The following MYO1D variants were observed in gnomAD, a reference collection of about 807,000 sequenced individuals.
MYO1D encodes myosin ID, also known as unconventional myosin-Id.
In MYO1D, 83 loss-of-function variants were observed where a neutral mutation model predicts 122.0. The observed-to-expected ratio is 0.68, with a 90% CI of 0.57 to 0.82. The LOEUF is 0.82. Ranked by LOEUF, MYO1D falls within the 40% of genes least tolerant of loss-of-function variation. The probability of loss-of-function intolerance (pLI) is 0.00; values close to 1 mark genes in which losing one functional copy is unlikely to be tolerated. For synonymous variants in MYO1D, 464 were observed against 446.9 expected (o/e 1.04, Z -0.48); for missense variants, 1,157 against 1,269.5 (o/e 0.91, Z 1.35).
At chr17:32,615,393 G>A (rs1302612781) in intron 20 of MYO1D, among the ~76,000 whole-genome samples, 4 of 152,124 alleles carry the variant, frequency 2.6e-5, no homozygotes, top group Non-Finnish European at 4.4e-5. Flanking sequence ...GAAAATGTAC[G>A]TAACAAATGT....
chr17:32,573,595 C>T (rs1423364716), intron 21 of MYO1D, among the ~76,000 whole-genome samples: 3 of 152,070 alleles, frequency 2.0e-5, no homozygotes, highest in Non-Finnish European at 4.4e-5. Context: ...TCACCGCACA[C>T]TGCAGCCTCG....
chr17:32,573,583 G>C (rs972543863), intron 21 of MYO1D, among the ~76,000 whole-genome samples: 5 of 151,564 alleles, frequency 3.3e-5, no homozygotes, highest in Non-Finnish European at 7.4e-5. Context: ...GCAGTGGTGT[G>C]ATCACCGCAC....
chr17:32,734,266 T>C (rs572528493), intron 14 of MYO1D, among the ~76,000 whole-genome samples: 1 of 152,296 alleles, frequency 6.6e-6, no homozygotes, highest in African/African-American at 2.4e-5. Flanking sequence ...GAAAACCATC[T>C]ACATTTTCAA....
rs141055165 is a variant in MYO1D at position 32,528,745 on chromosome 17, T to C, written c.2865-33830A>G. 3.3e-5 allele frequency among the ~76,000 whole-genome samples: 5 copies of C among 152,256 alleles called. No individual in the cohort carries two copies. The East Asian group carries it at 9.6e-4, about 29-fold the overall frequency. On this transcript the variant is annotated intron_variant, in intron 21 of 21. Coordinates refer to ENST00000318217, the MANE Select transcript of MYO1D (RefSeq NM_015194.3). Reference sequence around the variant, plus strand: ...GGAGGAGGAGGAGGCAGTGTGATCCTGGAGGCACAGATCAGGGTGAAGCAG... The same window carrying C: ...GGAGGAGGAGGAGGCAGTGTGATCCCGGAGGCACAGATCAGGGTGAAGCAG...
Position 32,738,321 on chromosome 17 carries a change from G to A in MYO1D, c.1678C>T (p.Arg560Ter), listed in dbSNP as rs774981361. 8 of 1,609,946 alleles carry A rather than the reference G, an allele frequency of 5.0e-6. No individual in the cohort carries two copies. The highest frequency in any genetic ancestry group is 3.4e-5 in the Admixed American group (2 of 59,558). Residue 560 changes from arginine to a stop codon, truncating the protein, a stop_gained, in exon 14 of 22, where the codon CGA (arginine) becomes TGA (stop). Coordinates refer to ENST00000318217, the MANE Select transcript of MYO1D (RefSeq NM_015194.3). LOFTEE classifies it high-confidence loss of function. ...AACAAGGTAGCAGCAGTCAGAGGTC[G>A]CTTGGTCACCTCTGTAATGCTCAGT... ...GKLSITEVTK[R>*]PLTAATLFKN...
At chr17:32,498,966 G>T (rs1383738870) in intron 21 of MYO1D, 1 of 152,236 alleles carries the variant, frequency 6.6e-6, no homozygotes, top group Non-Finnish European at 1.5e-5. Context: ...CACTTTGGGA[G>T]GCTGAGGCGG....
chr17:32,800,251 C>T (rs73283713), intron 1 of MYO1D, among the ~76,000 whole-genome samples: 5,452 of 152,140 alleles, frequency 0.036, 317 homozygotes, highest in African/African-American at 0.12. Context: ...AATCACTGCA[C>T]CATTATTCAC....
Position 32,494,587 on chromosome 17 carries a change from G to C in MYO1D, c.*172C>G. ...AGGGACCGTGGACAGTAAGGACAGA[G>C]GAAGATGATACCAAAGGCAGAAAAC... On this transcript the variant is annotated 3_prime_UTR_variant, in exon 22 of 22. Transcript: ENST00000318217. The C allele has an allele frequency of 1.3e-6, 1 of 790,310 alleles. No homozygotes were observed. The highest frequency in any genetic ancestry group is 2.0e-6 in the Non-Finnish European group (1 of 510,522). The allele number at this position is 790,310 out of a possible 1,614,324, so 49.0% of individuals were successfully genotyped here. A position where few individuals can be genotyped will look rare whatever the true frequency, so the allele number is the denominator to read the frequency against.
chr17:32,556,904 A>G (rs575192956), intron 21 of MYO1D, among the ~76,000 whole-genome samples: 5 of 152,310 alleles, frequency 3.3e-5, no homozygotes, highest in Admixed American at 1.3e-4. Context: ...GTGGAACCTG[A>G]AACTTGATGA....
intron 1 of MYO1D, among the ~76,000 whole-genome samples, chr17:32,825,889 A>G (rs2090717601): frequency 6.6e-6 from 1 of 152,026 alleles, no homozygotes; most frequent in Admixed American, 6.6e-5. Context: ...CATTTAAAAA[A>G]TAAGATAAAA....
At chr17:32,653,729 G>T in intron 19 of MYO1D, 114 bp downstream of exon 19, 1 of 815,356 alleles carries the variant, frequency 1.2e-6, no homozygotes, top group Non-Finnish European at 2.0e-6. Flanking sequence ...CTAGTGAACT[G>T]ATGATGAAGC....
At chr17:32,507,821 G>A (rs942731103) in intron 21 of MYO1D, among the ~76,000 whole-genome samples, 6 of 151,840 alleles carry the variant, frequency 4.0e-5, no homozygotes, top group Non-Finnish European at 7.4e-5. Context: ...CCCACCACGT[G>A]AGGACTCAGA....
At position 32,764,942 on chromosome 17, in the gene MYO1D, C is replaced by A. The variant is rs772718477; in HGVS notation, c.971G>T (p.Arg324Leu). Residue 324 changes from arginine to leucine, a missense_variant, in exon 8 of 22, where the codon CGT becomes CTT. By Grantham distance (102) the Arg-to-Leu change is moderately radical. Transcript: ENST00000318217. Reference sequence around the variant, plus strand: ...TGTGTGCTGCTTGTCAATGATGTCACGGCCTGTGGCCACAGTCCGGTAAAG... The same window carrying A: ...TGTGTGCTGCTTGTCAATGATGTCAAGGCCTGTGGCCACAGTCCGGTAAAG... The part of the protein sequence containing the change: ...ALLYRTVATG[R>L]DIIDKQHTEQ... The A allele has an allele frequency of 6.2e-7, 1 of 1,614,196 alleles. No individual in the cohort carries two copies. Among genetic ancestry groups the A allele is most frequent in the Admixed American group, 1.7e-5 (1 of 60,030 alleles).
chr17:32,510,129 A>G (rs1909639621), intron 21 of MYO1D: 1 of 152,256 alleles, frequency 6.6e-6, no homozygotes, highest in African/African-American at 2.4e-5. Flanking sequence ...TGCAGCTGGA[A>G]GGTGAGGCTA....
chr17:32,497,489 C>G (rs1027641657), intron 21 of MYO1D: 3 of 152,178 alleles, frequency 2.0e-5, no homozygotes, highest in African/African-American at 7.2e-5. Flanking sequence ...CCCAGGATAT[C>G]ATCCTCAGGG....
At chr17:32,718,787 T>C (rs2089476189) in intron 15 of MYO1D, among the ~76,000 whole-genome samples, 1 of 152,184 alleles carries the variant, frequency 6.6e-6, no homozygotes, top group Admixed American at 6.5e-5. Flanking sequence ...GCTGCTTCTC[T>C]TATCTTTGCT....
intron 16 of MYO1D, among the ~76,000 whole-genome samples, chr17:32,676,739 A>G (rs2088815251): frequency 6.6e-6 from 1 of 152,162 alleles, no homozygotes; most frequent in Non-Finnish European, 1.5e-5. Context: ...GTTACTCTCT[A>G]TGCCAGTTTG....
intron 11 of MYO1D, among the ~76,000 whole-genome samples, chr17:32,749,395 C>T (rs1349304257): frequency 3.3e-5 from 5 of 152,158 alleles, no homozygotes; most frequent in Admixed American, 2.0e-4. Flanking sequence ...AAGTTTGGGT[C>T]CCTGAGAGAG....
intron 8 of MYO1D, among the ~76,000 whole-genome samples, chr17:32,761,647 T>C (rs2090002977): frequency 6.6e-6 from 1 of 152,064 alleles, no homozygotes; most frequent in African/African-American, 2.4e-5. Context: ...ATAATACAAA[T>C]ATAATATGAC....
Sources: allele counts gnomAD v4.1 joint callset (sites outside exome capture counted in the v4.1 genomes callset), GRCh38; gene constraint gnomAD v4.1.1; transcripts MANE v1.5; gene names NCBI Gene and HGNC (gene_info 2026-07-23, HGNC 2026-07-21).